PRX: variants seen among roughly 807,000 people sequenced by gnomAD.
The protein encoded by PRX is periaxin.
A neutral mutation model predicts 29.6 loss-of-function variants in PRX; 24 were observed. The ratio of observed to expected loss-of-function variants is 0.81; its 90% confidence interval spans 0.59 to 1.14. PRX has a LOEUF of 1.14. PRX is among the 50% of genes most tolerant of loss of function. The probability of loss-of-function intolerance (pLI) is 0.00; values close to 1 mark genes in which losing one functional copy is unlikely to be tolerated. For synonymous variants in PRX, 772 were observed against 831.7 expected, an observed-to-expected ratio of 0.93 and a Z score of 1.24; for missense variants, 1,838 against 1,926.4, an observed-to-expected ratio of 0.95 and a Z score of 0.86.
At position 40,395,393 on chromosome 19, in the gene PRX, G is replaced by GCAGC. The variant is rs781470128; in HGVS notation, c.2955_2958dup (p.Pro987AlafsTer49). ...TGTGGGATGGACAGATCGAGGGCAGGCAGCAGGCCTGCCTCCCCAGCCCCT... is the reference window on the plus strand; with the variant it reads ...TGTGGGATGGACAGATCGAGGGCAGGCAGCCAGCAGGCCTGCCTCCCCAGCCCCT... On this transcript the variant is annotated frameshift_variant, in exon 7 of 7. Coordinates refer to ENST00000324001, the MANE Select transcript of PRX (RefSeq NM_181882.3). LOFTEE classifies it low-confidence loss of function (END_TRUNC). 1.9e-6 allele frequency: 3 copies of GCAGC among 1,613,724 alleles called. No individual in the cohort carries two copies. Among genetic ancestry groups the GCAGC allele is most frequent in the Non-Finnish European group, 2.5e-6 (3 of 1,180,006 alleles).
chr19:40,408,849 G>C (rs71358907), intron 1 of PRX, among the ~76,000 whole-genome samples: 1 of 151,202 alleles, frequency 6.6e-6, no homozygotes, highest in Non-Finnish European at 1.5e-5. Flanking sequence ...GTGTGTGTGA[G>C]AGAGAGAGTT....
chr19:40,396,014 G>C lies in PRX; in HGVS notation c.2338C>G (p.Pro780Ala). The change falls in exon 7 of 7, where the codon CCG (proline) becomes GCG (alanine). Residue 780 changes from proline to alanine, a missense_variant. Physicochemically the swap from Pro to Ala is conservative, Grantham distance 27. Around this residue, in one of 3 missense-constraint regions of PRX, gnomAD observed 1,143 missense variants for 1,193.0 expected, o/e 0.96. Coordinates refer to ENST00000324001, the MANE Select transcript of PRX (RefSeq NM_181882.3). ...KAPEVKLPRA[P>A]EVQLKATKAE... Reference sequence around the variant, plus strand: ...TTGGTGGCCTTTAGCTGCACCTCCGGAGCCCTGGGCAGCTTCACCTCTGGT... The same window carrying C: ...TTGGTGGCCTTTAGCTGCACCTCCGCAGCCCTGGGCAGCTTCACCTCTGGT... 1 of 1,614,052 alleles carries C rather than the reference G, an allele frequency of 6.2e-7. No individual in the cohort carries two copies. The highest frequency in any genetic ancestry group is 2.2e-5 in the East Asian group (1 of 44,890).
At chr19:40,399,223 C>G (rs1447944028) in intron 5 of PRX, among the ~76,000 whole-genome samples, 1 of 152,158 alleles carries the variant, frequency 6.6e-6, no homozygotes, top group Non-Finnish European at 1.5e-5. Context: ...ACTCCTAGCT[C>G]AGGGCAATCT....
chr19:40,394,340 A>C lies in PRX; in HGVS notation c.4012T>G (p.Phe1338Val). ...CCAGTGACCATCTCACTTTGGCTGAAGCCCACTCGGGGCAGCCTGAGTTTG... is the reference window on the plus strand; with the variant it reads ...CCAGTGACCATCTCACTTTGGCTGACGCCCACTCGGGGCAGCCTGAGTTTG... ...SPKLRLPRVG[F>V]SQSEMVTGEG... Residue 1338 changes from phenylalanine (F) to valine (V), a missense_variant, in exon 7 of 7, where the codon TTC becomes GTC. Phe to Val is a conservative substitution (Grantham distance 50). Around this residue, in one of 3 missense-constraint regions of PRX, gnomAD observed 1,143 missense variants for 1,193.0 expected, o/e 0.96. Transcript: ENST00000324001. This position sits in a 1 kb window ranked among gnomAD's most constrained non-coding sequence, Gnocchi z 5.8. 6.2e-7 allele frequency: 1 copy of C among 1,607,356 alleles called. No individual in the cohort carries two copies. The highest frequency in any genetic ancestry group is 8.5e-7 in the Non-Finnish European group (1 of 1,176,746).
At chr19:40,407,849 T>C in intron 4 of PRX, 57 bp downstream of exon 4, 4 of 1,609,206 alleles carry the variant, frequency 2.5e-6, no homozygotes, top group Non-Finnish European at 2.5e-6. Context: ...CTTGCTGCCC[T>C]AGTCTGTGCC....
Position 40,394,121 on chromosome 19 carries a change from G to A in PRX, c.4231C>T (p.Arg1411Cys), listed in dbSNP as rs533966999. 43 of 1,603,396 alleles carry A rather than the reference G, an allele frequency of 2.7e-5. No homozygotes were observed. The highest frequency in any genetic ancestry group is 2.2e-4 in the East Asian group (10 of 44,628). ...GGGCTTAGGGACACCCTGGGGAAGC[G>A]GAACTTGGGTGACTTCTCTCTGACG... ...SPVREKSPKF[R>C]FPRVSLSPKA... is the part of the protein sequence containing the mutation. Residue 1411 changes from arginine to cysteine, a missense_variant, in exon 7 of 7, where the codon CGC becomes TGC. Around this residue, in one of 3 missense-constraint regions of PRX, gnomAD observed 1,143 missense variants for 1,193.0 expected, o/e 0.96. Coordinates refer to ENST00000324001, the MANE Select transcript of PRX (RefSeq NM_181882.3). The surrounding 1 kb of genome is among the most constrained non-coding windows in gnomAD (Gnocchi z 5.8).
rs746910596 is a variant in PRX at position 40,395,103 on chromosome 19, C to G, written c.3249G>C (p.Pro1083=). The G allele has an allele frequency of 2.5e-6, 4 of 1,613,886 alleles. No homozygotes were observed. In the South Asian group the frequency reaches 4.4e-5, roughly 18 times the overall value. The change falls in exon 7 of 7, where the codon CCG becomes CCC. Residue 1083 remains proline (P), a synonymous_variant. Transcript: ENST00000324001. ...CAGCGGTGGACTCAGCCTTTTCCCC[C>G]GGGCTGGCACGATCACCTTGAACTT... is the stretch of plus-strand genomic sequence containing the variant. ...EAEVQGDRAS[P]GEKAESTAVQ...
Position 40,396,427 on chromosome 19 carries a change from G to A in PRX, c.1925C>T (p.Pro642Leu), listed in dbSNP as rs751935470. Reference sequence around the variant, plus strand: ...GGGCACAGCCATCTCGGGCACCTTCGGGAGTTTCACCTCAGGGAGTTTCAT... The same window carrying A: ...GGGCACAGCCATCTCGGGCACCTTCAGGAGTTTCACCTCAGGGAGTTTCAT... ...PEMKLPEVKL[P>L]KVPEMAVPDV... The change falls in exon 7 of 7, where the codon CCG (proline) becomes CTG (leucine). Residue 642 changes from proline to leucine, a missense_variant. Pro to Leu is a moderately conservative substitution (Grantham distance 98). Around this residue, in one of 3 missense-constraint regions of PRX, gnomAD observed 1,143 missense variants for 1,193.0 expected, o/e 0.96. Transcript: ENST00000324001. 5.6e-6 allele frequency: 9 copies of A among 1,612,766 alleles called. No homozygotes were observed. Among genetic ancestry groups the A allele is most frequent in the Non-Finnish European group, 6.8e-6 (8 of 1,179,832 alleles).
At chr19:40,404,345 T>G (rs2079517677) in intron 4 of PRX, among the ~76,000 whole-genome samples, 1 of 113,948 alleles carries the variant, frequency 8.8e-6, no homozygotes, top group Non-Finnish European at 1.7e-5. Context: ...TGCGTCGGAG[T>G]GGGCTGGAGA....
rs1435032309 is a variant in PRX at position 40,394,702 on chromosome 19, G to C, written c.3650C>G (p.Thr1217Arg). Residue 1217 changes from threonine (T) to arginine (R), a missense_variant, in exon 7 of 7, where the codon ACA (threonine) becomes AGA (arginine). By Grantham distance (71) the Thr-to-Arg change is moderately conservative (BLOSUM62 -1). Transcript: ENST00000324001. This position sits in a 1 kb window ranked among gnomAD's most constrained non-coding sequence, Gnocchi z 5.8. ...GEGVFKMPTV[T>R]VPQLELDVGL... ...CACGTCCAGCTCAAGCTGGGGCACT[G>C]TCACGGTGGGCATCTTAAAGACACC... 1 of 1,611,376 alleles carries C rather than the reference G, an allele frequency of 6.2e-7. No individual in the cohort carries two copies. The highest frequency in any genetic ancestry group is 8.5e-7 in the Non-Finnish European group (1 of 1,179,998).
rs1353811616 is a variant in PRX at position 40,395,824 on chromosome 19, C to G, written c.2528G>C (p.Gly843Ala). The G allele has an allele frequency of 6.2e-7, 1 of 1,614,220 alleles. No individual in the cohort carries two copies. Among genetic ancestry groups the G allele is most frequent in the South Asian group, 1.1e-5 (1 of 91,088 alleles). ...AGAGGGGACACCCACATGAGCCTCA[C>G]CATCCACCTCTGGCTGCAGACAGGG... The part of the protein sequence containing the change: ...TLPCLQPEVD[G>A]EAHVGVPSLT... Residue 843 changes from glycine (G) to alanine (A), a missense_variant, in exon 7 of 7, where the codon GGT becomes GCT. Physicochemically the swap from Gly to Ala is moderately conservative, Grantham distance 60 (BLOSUM62 0). Around this residue, in one of 3 missense-constraint regions of PRX, gnomAD observed 1,143 missense variants for 1,193.0 expected, o/e 0.96. Transcript: ENST00000324001.
chr19:40,402,598 C>T lies in PRX; in HGVS notation c.184+1108G>A, dbSNP rs560082562. 2.7e-5 allele frequency among the ~76,000 whole-genome samples: 4 copies of T among 150,854 alleles called. No homozygotes were observed. The South Asian group carries it at 8.4e-4, about 32-fold the overall frequency. ...CATCCTGGCTAACACGGTGAAACCT[C>T]GTCTCTACTAAAAATACAAAAAATT... is the stretch of plus-strand genomic sequence containing the variant. On this transcript the variant is annotated intron_variant, in intron 5 of 6. Coordinates refer to ENST00000324001, the MANE Select transcript of PRX (RefSeq NM_181882.3).
Position 40,396,222 on chromosome 19 carries a change from C to G in PRX, c.2130G>C (p.Gln710His). Reference protein sequence around the residue: ...AVPDVHLPEVQLPKVCEMKVP... With the variant: ...AVPDVHLPEVHLPKVCEMKVP... The stretch of plus-strand genomic sequence containing the variant: ...CTTTCATTTCACAGACTTTGGGCAG[C>G]TGCACCTCTGGGAGGTGCACATCGG... Residue 710 changes from glutamine (Q) to histidine (H), a missense_variant, in exon 7 of 7, where the codon CAG (glutamine) becomes CAC (histidine). By Grantham distance (24) the Gln-to-His change is conservative. Coordinates refer to ENST00000324001, the MANE Select transcript of PRX (RefSeq NM_181882.3). 1 of 1,612,906 alleles carries G rather than the reference C, an allele frequency of 6.2e-7. No individual in the cohort carries two copies. Among genetic ancestry groups the G allele is most frequent in the Non-Finnish European group, 8.5e-7 (1 of 1,179,766 alleles).
At chr19:40,399,686 A>C (rs532356508) in intron 5 of PRX, among the ~76,000 whole-genome samples, 2 of 152,084 alleles carry the variant, frequency 1.3e-5, no homozygotes, top group Non-Finnish European at 2.9e-5. Flanking sequence ...GTCAGTCTCC[A>C]TAGATGTTTG....
At chr19:40,399,893 T>TTCTTTC (rs1555801771) in intron 5 of PRX, among the ~76,000 whole-genome samples, 1,334 of 67,908 alleles carry the variant, frequency 0.02, 9 homozygotes, top group Non-Finnish European at 0.028. Context: ...CTTTCTTTCT[T>TTCTTTC]TCTTTCTTTC....
chr19:40,396,150 C>G lies in PRX; in HGVS notation c.2202G>C (p.Glu734Asp). Reference protein sequence around the residue: ...LPEIKLPKVPEMAVPDVHLPE... With the variant: ...LPEIKLPKVPDMAVPDVHLPE... ...GGAGGTGCACATCGGGCACAGCCATCTCAGGCACCTTGGGGAGTTTTATCT... is the reference window on the plus strand; with the variant it reads ...GGAGGTGCACATCGGGCACAGCCATGTCAGGCACCTTGGGGAGTTTTATCT... Residue 734 changes from glutamate (E) to aspartate (D), a missense_variant, in exon 7 of 7, where the codon GAG (glutamate) becomes GAC (aspartate). Physicochemically the swap from Glu to Asp is conservative, Grantham distance 45. This residue lies in a region of PRX where 1,143 missense variants were observed against 1,193.0 expected (regional missense o/e 0.96). Transcript: ENST00000324001. 1 of 1,613,536 alleles carries G rather than the reference C, an allele frequency of 6.2e-7. No homozygotes were observed. The highest frequency in any genetic ancestry group is 8.5e-7 in the Non-Finnish European group (1 of 1,179,690).
chr19:40,393,963 G>T lies in PRX; in HGVS notation c.*3C>A. ...AGAAGGGATCCCCATCTGACTAGGG[G>T]CTTCAGACAGCCGCAGCCTGAGCCC... is the stretch of plus-strand genomic sequence containing the variant. On this transcript the variant is annotated 3_prime_UTR_variant, in exon 7 of 7. Transcript: ENST00000324001. 6.2e-7 allele frequency: 1 copy of T among 1,611,410 alleles called. No individual in the cohort carries two copies. Among genetic ancestry groups the T allele is most frequent in the Non-Finnish European group, 8.5e-7 (1 of 1,179,770 alleles).
chr19:40,394,860 A>G lies in PRX; in HGVS notation c.3492T>C (p.Gly1164=). ...TACTCTGAGCCTGCTGCCCTGGGGT[A>G]CCTGCCTCCCCAAAGCCGGTCAGCT... ...QVELTGFGEA[G]TPGQQAQSTV... is the part of the protein sequence containing the mutation. Residue 1164 remains glycine, a synonymous_variant, in exon 7 of 7, where the codon GGT becomes GGC. Coordinates refer to ENST00000324001, the MANE Select transcript of PRX (RefSeq NM_181882.3). This position sits in a 1 kb window ranked among gnomAD's most constrained non-coding sequence, Gnocchi z 5.8. 6.2e-7 allele frequency: 1 copy of G among 1,612,178 alleles called. No homozygotes were observed. The highest frequency in any genetic ancestry group is 1.1e-5 in the South Asian group (1 of 91,072).
rs780763165 is a variant in PRX at position 40,395,750 on chromosome 19, G to C, written c.2602C>G (p.Gln868Glu). ...ATTTTAGCGGCTGGGACCTGCCCCT[G>C]CAGGCCAAGTGCTCCTGGCAGGTCT... Reference protein sequence around the residue: ...ELDLPGALGLQGQVPAAKMGK... With the variant: ...ELDLPGALGLEGQVPAAKMGK... The change falls in exon 7 of 7, where the codon CAG becomes GAG. Residue 868 changes from glutamine to glutamate, a missense_variant. Gln to Glu is a conservative substitution (Grantham distance 29). Transcript: ENST00000324001. 1.9e-6 allele frequency: 3 copies of C among 1,613,420 alleles called. No homozygotes were observed. The highest frequency in any genetic ancestry group is 2.5e-6 in the Non-Finnish European group (3 of 1,179,964).
Sources: allele counts gnomAD v4.1 joint callset (sites outside exome capture counted in the v4.1 genomes callset), GRCh38; gene constraint gnomAD v4.1.1; regional missense constraint gnomAD v4.1.1; non-coding constraint Gnocchi (gnomAD v3.1); transcripts MANE v1.5; gene names NCBI Gene and HGNC (gene_info 2026-07-23, HGNC 2026-07-21).